The following POLR3B variants were observed in gnomAD, a reference collection of about 807,000 sequenced individuals.
POLR3B encodes the protein RNA polymerase III subunit B, also known as DNA-directed RNA polymerase III subunit RPC2.
In POLR3B, 96 loss-of-function variants were observed where a neutral mutation model predicts 147.4. The observed-to-expected ratio is 0.65, with a 90% CI of 0.55 to 0.77. The LOEUF (loss-of-function observed/expected upper bound fraction) is 0.77, where lower values mean the gene tolerates loss of function less well. Among genes scored for constraint, POLR3B ranks in the 30% least tolerant of loss-of-function variants. POLR3B has a pLI of 0.00. For synonymous variants in POLR3B, 461 were observed against 485.9 expected, an observed-to-expected ratio of 0.95 and a Z score of 0.67; for missense variants, 1,036 against 1,413.5, an observed-to-expected ratio of 0.73 and a Z score of 4.28.
rs183120524 is a variant in POLR3B at position 106,501,712 on chromosome 12, G to T, written c.3098+276G>T. ...TACTGTGTAAATGTCTGCAAATATG[G>T]TCCTATTTATAAAGGTCCATACAAG... On this transcript the variant is annotated intron_variant, in intron 26 of 27. Coordinates refer to ENST00000228347, the MANE Select transcript of POLR3B (RefSeq NM_018082.6). 1.8e-3 allele frequency among the ~76,000 whole-genome samples: 276 copies of T among 152,282 alleles called. 4 individuals carry two copies. Among genetic ancestry groups the T allele is most frequent in the East Asian group, 0.017 (90 of 5,194 alleles).
intron 23 of POLR3B, among the ~76,000 whole-genome samples, chr12:106,468,644 C>G (rs2038042899): frequency 1.3e-5 from 2 of 152,164 alleles, no homozygotes; most frequent in South Asian, 4.1e-4. Context: ...TATGTTGTGT[C>G]TATGTTCTCA....
chr12:106,482,078 C>T (rs2038275203), intron 23 of POLR3B, among the ~76,000 whole-genome samples: 1 of 152,202 alleles, frequency 6.6e-6, no homozygotes. Context: ...AGTTTGTCAG[C>T]TCTTATCTGA....
In POLR3B at chr12:106,463,598, C is replaced by T; in HGVS notation, c.2691C>T (p.Phe897=). ...GGCGTCCAGAAATTGGAGACAAATT[C>T]AGCAGTCGTCATGGGCAAAAAGGTA... ...QTRRPEIGDK[F]SSRHGQKGVC... The change falls in exon 23 of 28, where the codon TTC becomes TTT. Residue 897 remains phenylalanine, a synonymous_variant. Transcript: ENST00000228347. 1.2e-6 allele frequency: 2 copies of T among 1,613,556 alleles called. No homozygotes were observed. The highest frequency in any genetic ancestry group is 1.1e-5 in the South Asian group (1 of 91,064).
intron 18 of POLR3B, among the ~76,000 whole-genome samples, chr12:106,442,051 G>T (rs1287344848): frequency 6.7e-6 from 1 of 148,234 alleles, no homozygotes; most frequent in Non-Finnish European, 1.5e-5. Flanking sequence ...TTGCACTCCA[G>T]CCTGGGCAGC....
At chr12:106,465,637 G>A (rs527818905) in intron 23 of POLR3B, among the ~76,000 whole-genome samples, 10 of 152,080 alleles carry the variant, frequency 6.6e-5, no homozygotes, top group Admixed American at 2.0e-4. Flanking sequence ...GGCAGGCCTC[G>A]GTGTGTGATG....
intron 23 of POLR3B, among the ~76,000 whole-genome samples, chr12:106,492,325 G>A (rs986482942): frequency 6.6e-6 from 1 of 151,834 alleles, no homozygotes; most frequent in Non-Finnish European, 1.5e-5. Context: ...CCAGCCCTTT[G>A]ACTTGAGTCC....
At chr12:106,476,993 G>T (rs1260258083) in intron 23 of POLR3B, among the ~76,000 whole-genome samples, 7 of 150,204 alleles carry the variant, frequency 4.7e-5, no homozygotes, top group African/African-American at 1.7e-4. Flanking sequence ...CCCCATCTTT[G>T]TGGTTTTATC....
At chr12:106,488,070 T>C (rs530303767) in intron 23 of POLR3B, among the ~76,000 whole-genome samples, 4 of 152,326 alleles carry the variant, frequency 2.6e-5, no homozygotes, top group African/African-American at 4.8e-5. Context: ...TGAGGAACCA[T>C]GTTTTGTAAA....
At chr12:106,358,089 C>G in intron 1 of POLR3B, 138 bp downstream of exon 1, 1 of 1,523,814 alleles carries the variant, frequency 6.6e-7, no homozygotes. Context: ...CCCAGAGCGT[C>G]GCGCTTGCGA....
chr12:106,459,426 G>C lies in POLR3B; in HGVS notation c.2570+58G>C, dbSNP rs1315502501. ...AAAGGTTAGAAAAAGAGAAGAAATG[G>C]GAGAAATTCGAAGTTAGGTCTTGGC... On this transcript the variant is annotated intron_variant, in intron 22 of 27. Coordinates refer to ENST00000228347, the MANE Select transcript of POLR3B (RefSeq NM_018082.6). 1.4e-5 allele frequency: 13 copies of C among 955,534 alleles called. No individual in the cohort carries two copies. In the East Asian group the frequency reaches 3.1e-4, roughly 23 times the overall value. The allele number at this position is 955,534 out of a possible 1,614,324, so 59.2% of individuals were successfully genotyped here. A position where few individuals can be genotyped will look rare whatever the true frequency, so the allele number is the denominator to read the frequency against.
At chr12:106,473,989 T>C (rs1025821606) in intron 23 of POLR3B, among the ~76,000 whole-genome samples, 4 of 144,948 alleles carry the variant, frequency 2.8e-5, no homozygotes, top group Admixed American at 1.4e-4. Context: ...CAGTATGATA[T>C]TGGCTGTGGG....
chr12:106,487,511 T>C (rs1157811164), intron 23 of POLR3B, among the ~76,000 whole-genome samples: 1 of 152,240 alleles, frequency 6.6e-6, no homozygotes, highest in Non-Finnish European at 1.5e-5. Context: ...GTTCTGGGTG[T>C]TCAGAAAGTA....
chr12:106,464,054 G>A (rs1002757973), intron 23 of POLR3B, among the ~76,000 whole-genome samples: 2 of 152,046 alleles, frequency 1.3e-5, no homozygotes, highest in African/African-American at 4.8e-5. Flanking sequence ...TACAGATGAG[G>A]AAGTTCAGAC....
At position 106,378,328 on chromosome 12, in the gene POLR3B, G is replaced by T; in HGVS notation, c.558G>T (p.Lys186Asn). The T allele has an allele frequency of 1.2e-6, 2 of 1,614,004 alleles. No homozygotes were observed. The highest frequency in any genetic ancestry group is 1.7e-6 in the Non-Finnish European group (2 of 1,179,908). ...TTCTTATCCAAGAGCAGCTGTCTAA[G>T]AACAGGATCATCGTGGAGGCTGATA... ...KVILIQEQLS[K>N]NRIIVEADRK... Residue 186 changes from lysine (K) to asparagine (N), a missense_variant, in exon 8 of 28, where the codon AAG becomes AAT. Transcript: ENST00000228347.
chr12:106,372,321 T>TTG (rs1170116595), intron 6 of POLR3B, among the ~76,000 whole-genome samples: 1 of 146,676 alleles, frequency 6.8e-6, no homozygotes, highest in Non-Finnish European at 1.5e-5. Context: ...TAACTTTATT[T>TTG]TGTGTGTGTG....
chr12:106,446,976 C>T (rs1463088419), intron 19 of POLR3B, among the ~76,000 whole-genome samples: 3 of 152,146 alleles, frequency 2.0e-5, no homozygotes, highest in Non-Finnish European at 4.4e-5. Context: ...ATGCAGACTT[C>T]GCACTTTGAG....
intron 6 of POLR3B, among the ~76,000 whole-genome samples, chr12:106,372,875 T>C (rs952088821): frequency 6.6e-6 from 1 of 152,214 alleles, no homozygotes; most frequent in Non-Finnish European, 1.5e-5. Flanking sequence ...TTAGTCAGTA[T>C]GTTCATTTCC....
At chr12:106,418,095 C>T (rs912875925) in intron 12 of POLR3B, among the ~76,000 whole-genome samples, 3 of 152,188 alleles carry the variant, frequency 2.0e-5, no homozygotes, top group African/African-American at 4.8e-5. Flanking sequence ...ACTGGCCAAG[C>T]GGGTTCACAG....
chr12:106,466,212 G>A (rs146174479), intron 23 of POLR3B, among the ~76,000 whole-genome samples: 3,741 of 152,254 alleles, frequency 0.025, 161 homozygotes, highest in African/African-American at 0.085. Context: ...GTGATGATGA[G>A]CATTTTTTCA....
Sources: gnomAD v4.1 joint callset for allele counts (sites outside exome capture counted in the v4.1 genomes callset) on GRCh38, gnomAD v4.1.1 for gene constraint, MANE v1.5 for transcripts, NCBI Gene and HGNC (gene_info 2026-07-23, HGNC 2026-07-21) for gene names.